Variants in TIAM1 observed in about 807,000 individuals in gnomAD.
TIAM1 encodes the protein TIAM Rac1 associated GEF 1, also known as rho guanine nucleotide exchange factor TIAM1.
In TIAM1, 65 loss-of-function variants were observed where a neutral mutation model predicts 163.5. The observed-to-expected ratio is 0.40, with a 90% CI of 0.33 to 0.49. The LOEUF (loss-of-function observed/expected upper bound fraction) is 0.49. Among genes scored for constraint, TIAM1 ranks in the 20% least tolerant of loss-of-function variants. The pLI, the probability that TIAM1 is intolerant of heterozygous loss-of-function variation, is 0.77. For synonymous variants in TIAM1, 833 were observed against 810.1 expected (o/e 1.03, Z -0.48); for missense variants, 1,789 against 2,044.7 (o/e 0.87, Z 2.41).
chr21:31,409,281 T>G (rs550452861), intron 2 of TIAM1, among the ~76,000 whole-genome samples: 46 of 152,276 alleles, frequency 3.0e-4, no homozygotes, highest in African/African-American at 1.1e-3. Flanking sequence ...AGCTAATTTT[T>G]GTATTTTTAG....
At chr21:31,474,255 A>C (rs2045858543) in intron 1 of TIAM1, among the ~76,000 whole-genome samples, 1 of 152,188 alleles carries the variant, frequency 6.6e-6, no homozygotes, top group Non-Finnish European at 1.5e-5. Flanking sequence ...TTTGGAGGGA[A>C]CAAGCATCCA....
At chr21:31,160,791 T>C (rs2083878165) in intron 16 of TIAM1, 1 of 324,850 alleles carries the variant, frequency 3.1e-6, no homozygotes, top group Non-Finnish European at 5.5e-6. Context: ...AAGGCTAAAC[T>C]GTGGACCAGA....
At position 31,436,862 on chromosome 21, in the gene TIAM1, A is replaced by G. The variant is rs576490570; in HGVS notation, c.-369+27121T>C. On this transcript the variant is annotated intron_variant, in intron 2 of 28. Transcript: ENST00000286827. ...GATCCCAGCTACTCAGGAGGCTGAC[A>G]CAGGAGAATCGCTTGCACCCAGGAG... Among the ~76,000 whole-genome samples the G allele has an allele frequency of 3.3e-5, 5 of 151,876 alleles. No homozygotes were observed. The South Asian group carries it at 1.0e-3, about 32-fold the overall frequency.
rs767341761 is a variant in TIAM1, at chr21:31,141,606, G to A, written c.3476-102C>T. The stretch of plus-strand genomic sequence containing the variant: ...AGTGACTCCAAGGTGCCTTTTTGCA[G>A]GACTGAGCAGAGAGTGGGTGGCAGG... On this transcript the variant is annotated intron_variant, in intron 20 of 27. Transcript: ENST00000541036. This position sits in a 1 kb window ranked among gnomAD's most constrained non-coding sequence, Gnocchi z 4.7. 11 of 1,357,268 alleles carry A rather than the reference G, an allele frequency of 8.1e-6. No individual in the cohort carries two copies. Among genetic ancestry groups the A allele is most frequent in the Non-Finnish European group, 1.1e-5 (11 of 981,984 alleles). 84.1% of individuals were successfully genotyped at this position (1,357,268 alleles called of 1,614,324 possible).
At chr21:31,347,628 G>T (rs988699312), upstream of TIAM1, among the ~76,000 whole-genome samples, 1 of 152,206 alleles carries the variant, frequency 6.6e-6, no homozygotes, top group African/African-American at 2.4e-5. Flanking sequence ...CCAGTAGAGG[G>T]AGCACAGCTG....
intron 2 of TIAM1, among the ~76,000 whole-genome samples, chr21:31,337,490 A>G (rs1174097497): frequency 7.2e-6 from 1 of 139,696 alleles, no homozygotes; most frequent in Non-Finnish European, 1.6e-5. Flanking sequence ...AAGGGTTAAT[A>G]ATTGTTGTTT....
chr21:31,363,408 TTTTG>T (rs1255055128), intron 2 of TIAM1, among the ~76,000 whole-genome samples: 2 of 151,972 alleles, frequency 1.3e-5, no homozygotes, highest in African/African-American at 4.8e-5. Flanking sequence ...AGGACCGGGA[TTTTG>T]TTTTTTTTTC....
At chr21:31,532,454 C>T (rs2048001092) in intron 1 of TIAM1, among the ~76,000 whole-genome samples, 1 of 152,158 alleles carries the variant, frequency 6.6e-6, no homozygotes, top group Non-Finnish European at 1.5e-5. Context: ...TTTATGACTA[C>T]TCTTACTTCT....
chr21:31,524,888 G>C (rs1455470466), intron 1 of TIAM1, among the ~76,000 whole-genome samples: 1 of 152,082 alleles, frequency 6.6e-6, no homozygotes, highest in Non-Finnish European at 1.5e-5. Context: ...TGCTACAAAG[G>C]AATGCCTGAG....
At chr21:31,517,125 GCACTATGT>G (rs1281252139) in intron 1 of TIAM1, among the ~76,000 whole-genome samples, 1 of 151,730 alleles carries the variant, frequency 6.6e-6, no homozygotes, top group Non-Finnish European at 1.5e-5. Context: ...TCTTTGCCAA[GCACTATGT>G]CAGGGTCTTC....
At chr21:31,554,631 G>C (rs181083513) in intron 1 of TIAM1, among the ~76,000 whole-genome samples, 3 of 152,288 alleles carry the variant, frequency 2.0e-5, no homozygotes, top group East Asian at 1.9e-4. Context: ...AGAGTTCTTC[G>C]ATGAATCATC....
chr21:31,518,566 T>C (rs2047459921), intron 1 of TIAM1, among the ~76,000 whole-genome samples: 1 of 152,126 alleles, frequency 6.6e-6, no homozygotes, highest in East Asian at 1.9e-4. Context: ...GGATTACAGG[T>C]GTTGGCCACT....
intron 2 of TIAM1, among the ~76,000 whole-genome samples, chr21:31,421,642 T>C (rs1569316473): frequency 6.6e-6 from 1 of 152,164 alleles, no homozygotes. Flanking sequence ...CTGTCTTCCA[T>C]GAAACTTGTC....
intron 2 of TIAM1, among the ~76,000 whole-genome samples, chr21:31,297,328 C>T (rs1223236420): frequency 6.6e-5 from 10 of 152,164 alleles, no homozygotes; most frequent in Admixed American, 6.5e-4. Context: ...TGAATGGGTA[C>T]ACAGTTTTGG....
At chr21:31,298,422 C>A (rs922721063) in intron 2 of TIAM1, among the ~76,000 whole-genome samples, 1 of 152,062 alleles carries the variant, frequency 6.6e-6, no homozygotes, top group African/African-American at 2.4e-5. Flanking sequence ...TGGTGACTAC[C>A]GCGGGAAATA....
In TIAM1 at chr21:31,141,637, G is replaced by A; in HGVS notation, c.3476-133C>T. On this transcript the variant is annotated intron_variant, in intron 20 of 27. Coordinates refer to ENST00000541036, the MANE Select transcript of TIAM1 (RefSeq NM_001353694.2). The surrounding 1 kb of genome is among the most constrained non-coding windows in gnomAD (Gnocchi z 4.7). ...AGCAGAGAGTGGGTGGCAGGAAGAG[G>A]GACAGGTAGGGGAGGGGGCAGTCAG... is the stretch of plus-strand genomic sequence containing the variant. 1 of 957,560 alleles carries A rather than the reference G, an allele frequency of 1.0e-6. No homozygotes were observed. Among genetic ancestry groups the A allele is most frequent in the Non-Finnish European group, 1.6e-6 (1 of 640,662 alleles). 59.3% of individuals were successfully genotyped at this position (957,560 alleles called of 1,614,324 possible).
At position 31,130,279 on chromosome 21, in the gene TIAM1, C is replaced by T. The variant is rs755571316; in HGVS notation, c.3979G>A (p.Asp1327Asn). ...SHRLSIYEDWDPFRFRHMIPT... is the reference protein window; with the variant it reads ...SHRLSIYEDWNPFRFRHMIPT... ...ATCATGTGTCGAAATCTGAAGGGGT[C>T]CCAGTCCTCATAAATGGAAAGCCTG... Residue 1327 changes from aspartate to asparagine, a missense_variant, in exon 25 of 28, where the codon GAC becomes AAC. Around this residue, in one of 5 missense-constraint regions of TIAM1, gnomAD observed 415 missense variants for 439.2 expected, o/e 0.94. Coordinates refer to ENST00000541036, the MANE Select transcript of TIAM1 (RefSeq NM_001353694.2). 3 of 1,614,020 alleles carry T rather than the reference C, an allele frequency of 1.9e-6. No homozygotes were observed. The highest frequency in any genetic ancestry group is 2.5e-6 in the Non-Finnish European group (3 of 1,179,996).
chr21:31,348,109 A>C (rs766272405), upstream of TIAM1, among the ~76,000 whole-genome samples: 7 of 152,182 alleles, frequency 4.6e-5, no homozygotes, highest in East Asian at 1.9e-4. Context: ...CTCTCTCTCT[A>C]TATATTAGAT....
chr21:31,193,646 G>C (rs1206105264), intron 13 of TIAM1, among the ~76,000 whole-genome samples: 1 of 152,210 alleles, frequency 6.6e-6, no homozygotes, highest in African/African-American at 2.4e-5. Flanking sequence ...GATTTAGGCA[G>C]AGAGCGAGGA....
Sources: allele counts gnomAD v4.1 joint callset (sites outside exome capture counted in the v4.1 genomes callset), GRCh38; gene constraint gnomAD v4.1.1; regional missense constraint gnomAD v4.1.1; non-coding constraint Gnocchi (gnomAD v3.1); transcripts MANE v1.5; gene names NCBI Gene and HGNC (gene_info 2026-07-23, HGNC 2026-07-21).